CATSPERE: variants seen among roughly 807,000 people sequenced by gnomAD.
CATSPERE encodes the protein catsper channel auxiliary subunit epsilon.
In CATSPERE, 93 loss-of-function variants were observed where a neutral mutation model predicts 114.1. That is an observed-to-expected ratio of 0.81 (90% CI 0.69 to 0.97). The LOEUF (loss-of-function observed/expected upper bound fraction) is 0.97. Ranked by LOEUF, CATSPERE falls within the 50% of genes least tolerant of loss-of-function variation. The pLI, the probability that CATSPERE is intolerant of heterozygous loss-of-function variation, is 0.00. For synonymous variants in CATSPERE, 341 were observed against 384.1 expected (o/e 0.89, Z 1.31); for missense variants, 1,058 against 1,131.6 (o/e 0.93, Z 0.93).
At chr1:244,582,310 GA>G (rs1315715121) in intron 12 of CATSPERE, among the ~76,000 whole-genome samples, 2 of 152,136 alleles carry the variant, frequency 1.3e-5, no homozygotes, top group East Asian at 3.9e-4. Context: ...AATTCTGTGT[GA>G]AGGCATTCCT....
At chr1:244,500,396 G>A (rs1336308855) in intron 7 of CATSPERE, among the ~76,000 whole-genome samples, 1 of 152,110 alleles carries the variant, frequency 6.6e-6, no homozygotes, top group East Asian at 1.9e-4. Context: ...TGCTTTTGGT[G>A]TTTTAGTCAT....
At chr1:244,525,496 A>C (rs1208251047) in intron 8 of CATSPERE, among the ~76,000 whole-genome samples, 1 of 146,364 alleles carries the variant, frequency 6.8e-6, no homozygotes, top group African/African-American at 2.7e-5. Flanking sequence ...TAATAATAAT[A>C]AATAAAATAT....
At chr1:244,520,336 T>G (rs1028047634) in intron 8 of CATSPERE, among the ~76,000 whole-genome samples, 5 of 152,178 alleles carry the variant, frequency 3.3e-5, no homozygotes, top group African/African-American at 4.8e-5. Flanking sequence ...GGGGTCCAAA[T>G]GGATTCTTTT....
At chr1:244,549,901 A>G (rs1660338247) in intron 8 of CATSPERE, among the ~76,000 whole-genome samples, 2 of 152,200 alleles carry the variant, frequency 1.3e-5, no homozygotes, top group Non-Finnish European at 2.9e-5. Flanking sequence ...AACCCTCCCC[A>G]GTGTGGTTGG....
intron 2 of CATSPERE, among the ~76,000 whole-genome samples, chr1:244,471,288 A>G (rs1668439803): frequency 6.6e-6 from 1 of 152,190 alleles, no homozygotes; most frequent in East Asian, 1.9e-4. Context: ...TGTCATATAA[A>G]TGTCATTTTC....
At chr1:244,452,062 CCCTGGTGGCGGCAACGGCCG>C (rs1665649684), upstream of CATSPERE, 1 of 356,928 alleles carries the variant, frequency 2.8e-6, no homozygotes, top group Admixed American at 4.8e-5. Context: ...CAGGAAGAGG[CCCTGGTGGCGGCAACGGCCG>C]CCACCCCGGA....
Position 244,487,825 on chromosome 1 carries a change from C to T in CATSPERE, c.327-2622C>T, listed in dbSNP as rs1178553382. ...GGACTGTACGGGAGCCAAAACCCCTCGTCCCCAGTGCATGCTTCATTGTCT... is the reference window on the plus strand; with the variant it reads ...GGACTGTACGGGAGCCAAAACCCCTTGTCCCCAGTGCATGCTTCATTGTCT... On this transcript the variant is annotated intron_variant, in intron 5 of 21. Transcript: ENST00000366534. Among the ~76,000 whole-genome samples the T allele has an allele frequency of 2.0e-5, 3 of 152,148 alleles. No individual in the cohort carries two copies. In the East Asian group the frequency reaches 5.8e-4, roughly 29 times the overall value.
At chr1:244,618,049 G>A (rs993924012) in intron 20 of CATSPERE, among the ~76,000 whole-genome samples, 1 of 152,170 alleles carries the variant, frequency 6.6e-6, no homozygotes, top group African/African-American at 2.4e-5. Flanking sequence ...CAAAATACAG[G>A]AGGTATTTTT....
chr1:244,512,044 G>A (rs1675854569), intron 7 of CATSPERE, among the ~76,000 whole-genome samples: 1 of 152,140 alleles, frequency 6.6e-6, no homozygotes, highest in Admixed American at 6.5e-5. Flanking sequence ...AAATCTATTT[G>A]GAGATCTTTG....
intron 19 of CATSPERE, among the ~76,000 whole-genome samples, chr1:244,613,162 C>T (rs987807422): frequency 3.3e-5 from 5 of 152,082 alleles, no homozygotes; most frequent in African/African-American, 1.2e-4. Flanking sequence ...TAGAATATAC[C>T]ACATACTTTT....
chr1:244,576,432 G>C (rs1474181072), intron 11 of CATSPERE, among the ~76,000 whole-genome samples: 1 of 149,322 alleles, frequency 6.7e-6, no homozygotes, highest in Non-Finnish European at 1.5e-5. Context: ...TCTCAGCAAG[G>C]CAATTTTACT....
rs377603839 is a variant in CATSPERE, at chr1:244,490,550, G to A, written c.351+79G>A. ...TCTCTCTTATCTTCCATATTTACCA[G>A]ATGAGGAATTTTTCAAATGAATTTT... is the stretch of plus-strand genomic sequence containing the variant. On this transcript the variant is annotated intron_variant, in intron 6 of 21. Transcript: ENST00000366534. 399 of 903,248 alleles carry A rather than the reference G, an allele frequency of 4.4e-4. No individual in the cohort carries two copies. In the African/African-American group the frequency reaches 5.2e-3, roughly 12 times the overall value. The allele number at this position is 903,248 out of a possible 1,614,324, so 56.0% of individuals were successfully genotyped here.
At chr1:244,545,949 A>G (rs1558470431) in intron 8 of CATSPERE, among the ~76,000 whole-genome samples, 1 of 152,212 alleles carries the variant, frequency 6.6e-6, no homozygotes, top group African/African-American at 2.4e-5. Context: ...GAGGAAAAGA[A>G]GATTTGGGCC....
chr1:244,613,880 C>T lies in CATSPERE; in HGVS notation c.2490+3554C>T, dbSNP rs548579552. On this transcript the variant is annotated intron_variant, in intron 19 of 21. Coordinates refer to ENST00000366534, the MANE Select transcript of CATSPERE (RefSeq NM_001130957.2). ...GGATCATGAAGGCAGAGCCCCCATA[C>T]ATGGATTAATCCATTCATAGATTAG... Among the ~76,000 whole-genome samples the T allele has an allele frequency of 1.1e-4, 16 of 152,258 alleles. No individual in the cohort carries two copies. In the South Asian group the frequency reaches 2.3e-3, roughly 22 times the overall value.
chr1:244,475,430 C>T (rs1669162232), intron 2 of CATSPERE, among the ~76,000 whole-genome samples: 1 of 151,748 alleles, frequency 6.6e-6, no homozygotes, highest in South Asian at 2.1e-4. Context: ...GACAGGGTTT[C>T]ACTATGTTGG....
At chr1:244,583,199 T>G (rs1666490304) in intron 12 of CATSPERE, among the ~76,000 whole-genome samples, 2 of 151,980 alleles carry the variant, frequency 1.3e-5, no homozygotes, top group Admixed American at 1.3e-4. Flanking sequence ...CTTTTTATGT[T>G]TGTTTGTCCT....
chr1:244,497,146 A>C (rs1436727623), intron 6 of CATSPERE, among the ~76,000 whole-genome samples: 1 of 152,240 alleles, frequency 6.6e-6, no homozygotes, highest in Non-Finnish European at 1.5e-5. Context: ...AAAACATGGA[A>C]GAATTCTCTT....
At chr1:244,635,728 AAAAC>A (rs1454867004) in intron 21 of CATSPERE, among the ~76,000 whole-genome samples, 186 bp downstream of exon 21, 1 of 152,182 alleles carries the variant, frequency 6.6e-6, no homozygotes, top group Non-Finnish European at 1.5e-5. Flanking sequence ...AATGAATCCT[AAAAC>A]AACAACAAAA....
rs1349807713 is a variant in CATSPERE, at chr1:244,625,422, A to ATTTTTTTTTT, written c.2648+7737_2648+7738insTTTTTTTTTT. 9.9e-4 allele frequency among the ~76,000 whole-genome samples: 4 copies of ATTTTTTTTTT among 4,040 alleles called. 1 individual carries two copies. Among genetic ancestry groups the ATTTTTTTTTT allele is most frequent in the Non-Finnish European group, 2.8e-3 (4 of 1,422 alleles). The allele number at this position is 4,040 out of a possible 152,430, so 2.7% of individuals were successfully genotyped here. ...TATTATTATTTATATATATATATAT[A>ATTTTTTTTTT]TATATATATATTTTTTTTTTTTTTT... On this transcript the variant is annotated intron_variant, in intron 20 of 21. Coordinates refer to ENST00000366534, the MANE Select transcript of CATSPERE (RefSeq NM_001130957.2).
Sources: gnomAD v4.1 joint callset for allele counts (sites outside exome capture counted in the v4.1 genomes callset) on GRCh38, gnomAD v4.1.1 for gene constraint, MANE v1.5 for transcripts, NCBI Gene and HGNC (gene_info 2026-07-23, HGNC 2026-07-21) for gene names.